The following PCCA variants were observed in gnomAD, a reference collection of about 807,000 sequenced individuals.
PCCA encodes propionyl-CoA carboxylase subunit alpha.
A neutral mutation model predicts 101.3 loss-of-function variants in PCCA; 74 were observed. The observed-to-expected ratio is 0.73, with a 90% CI of 0.61 to 0.89. The LOEUF (loss-of-function observed/expected upper bound fraction) is 0.89. Ranked by LOEUF, PCCA falls within the 40% of genes least tolerant of loss-of-function variation. The pLI is 0.00. For synonymous variants in PCCA, 294 were observed against 313.6 expected, an observed-to-expected ratio of 0.94 and a Z score of 0.66; for missense variants, 891 against 907.0, an observed-to-expected ratio of 0.98 and a Z score of 0.23.
intron 4 of PCCA, among the ~76,000 whole-genome samples, chr13:100,129,410 T>C (rs1328257670): frequency 6.6e-6 from 1 of 152,224 alleles, no homozygotes; most frequent in Non-Finnish European, 1.5e-5. Context: ...TAGGCTCTTT[T>C]TTCTGGTGAA....
chr13:100,269,713 C>T (rs1176706897), intron 11 of PCCA, among the ~76,000 whole-genome samples: 1 of 152,272 alleles, frequency 6.6e-6, no homozygotes, highest in South Asian at 2.1e-4. Context: ...ATCAGCAGAG[C>T]TAGCATATCT....
At chr13:100,309,630 G>T (rs1468232988) in intron 15 of PCCA, among the ~76,000 whole-genome samples, 3 of 152,012 alleles carry the variant, frequency 2.0e-5, no homozygotes, top group Non-Finnish European at 4.4e-5. Context: ...ATGAAATGTA[G>T]GAGAAGAGTC....
At chr13:100,262,150 T>C (rs1375077021) in intron 9 of PCCA, among the ~76,000 whole-genome samples, 1 of 152,150 alleles carries the variant, frequency 6.6e-6, no homozygotes, top group East Asian at 1.9e-4. Flanking sequence ...CCCAGCACTT[T>C]GGGAGGCTGA....
chr13:100,143,628 C>T (rs551944413), intron 4 of PCCA, among the ~76,000 whole-genome samples: 68 of 151,912 alleles, frequency 4.5e-4, no homozygotes, highest in Non-Finnish European at 9.0e-4. Flanking sequence ...TTCTTGAGCT[C>T]CTTCAAAGTA....
intron 21 of PCCA, among the ~76,000 whole-genome samples, chr13:100,476,408 A>G (rs906117366): frequency 2.0e-5 from 3 of 152,188 alleles, no homozygotes; most frequent in Admixed American, 6.5e-5. Context: ...GACCACCTAC[A>G]TGTGTTTGTA....
chr13:100,410,725 T>A (rs1268291703), intron 19 of PCCA, among the ~76,000 whole-genome samples: 1 of 152,174 alleles, frequency 6.6e-6, no homozygotes, highest in Non-Finnish European at 1.5e-5. Context: ...TATCCTAAAT[T>A]CCCAAACCCA....
intron 12 of PCCA, among the ~76,000 whole-genome samples, chr13:100,286,109 A>G (rs2064617972): frequency 6.6e-6 from 1 of 152,134 alleles, no homozygotes; most frequent in Non-Finnish European, 1.5e-5. Flanking sequence ...GCCATTAACT[A>G]CGCTGCCTCA....
chr13:100,330,746 C>T, intron 17 of PCCA, 75 bp downstream of exon 17: 1 of 899,208 alleles, frequency 1.1e-6, no homozygotes, highest in Non-Finnish European at 1.8e-6. Flanking sequence ...TAATTTCACT[C>T]TATTTTGAAA....
At chr13:100,329,808 T>G (rs116682875) in intron 16 of PCCA, among the ~76,000 whole-genome samples, 61 of 152,148 alleles carry the variant, frequency 4.0e-4, no homozygotes, top group Non-Finnish European at 7.8e-4. Flanking sequence ...GGTCACTGTT[T>G]AGTGGTCTGT....
chr13:100,481,657 C>T (rs73564393), intron 21 of PCCA, among the ~76,000 whole-genome samples: 3,111 of 152,188 alleles, frequency 0.02, 117 homozygotes, highest in African/African-American at 0.072. Flanking sequence ...GTGTCTACAG[C>T]GTGGAGATGC....
At chr13:100,196,331 A>G (rs2152456618) in intron 6 of PCCA, among the ~76,000 whole-genome samples, 1 of 152,342 alleles carries the variant, frequency 6.6e-6, no homozygotes, top group Non-Finnish European at 1.5e-5. Flanking sequence ...CCAGATATTA[A>G]AAACAGAAAG....
At chr13:100,524,975 T>C (rs888742899) in intron 22 of PCCA, among the ~76,000 whole-genome samples, 1 of 116,542 alleles carries the variant, frequency 8.6e-6, no homozygotes, top group Non-Finnish European at 1.8e-5. Flanking sequence ...AGATTCTGTC[T>C]CTAAGATGGA....
At chr13:100,377,510 T>A (rs2075989676) in intron 19 of PCCA, among the ~76,000 whole-genome samples, 2 of 152,076 alleles carry the variant, frequency 1.3e-5, no homozygotes, top group African/African-American at 4.8e-5. Context: ...ATTTTATTTT[T>A]TTGAGACAGA....
chr13:100,327,528 T>A (rs2068830382), intron 16 of PCCA, among the ~76,000 whole-genome samples: 1 of 152,256 alleles, frequency 6.6e-6, no homozygotes, highest in South Asian at 2.1e-4. Flanking sequence ...AAAGCTGCTA[T>A]TAACCTTTGT....
chr13:100,118,590 C>T (rs897582279), intron 4 of PCCA, among the ~76,000 whole-genome samples: 1 of 151,990 alleles, frequency 6.6e-6, no homozygotes, highest in African/African-American at 2.4e-5. Context: ...CTCTCAGTTG[C>T]CCGGGCTGGA....
At chr13:100,264,365 C>T (rs752856836) in intron 10 of PCCA, among the ~76,000 whole-genome samples, 2 of 152,006 alleles carry the variant, frequency 1.3e-5, no homozygotes, top group Non-Finnish European at 2.9e-5. Flanking sequence ...AACAACCATC[C>T]AGGTCTAGAT....
At chr13:100,179,629 G>A (rs1403309319) in intron 6 of PCCA, among the ~76,000 whole-genome samples, 1 of 152,128 alleles carries the variant, frequency 6.6e-6, no homozygotes, top group Non-Finnish European at 1.5e-5. Context: ...ATGTGATCCT[G>A]TCATCTATTG....
At chr13:100,139,528 GT>G (rs937169300) in intron 4 of PCCA, among the ~76,000 whole-genome samples, 80 of 150,538 alleles carry the variant, frequency 5.3e-4, no homozygotes, top group African/African-American at 1.7e-3. Context: ...CATCCAGTAT[GT>G]TTTTTTTAAT....
At chr13:100,435,099 C>A (rs1200441719) in intron 20 of PCCA, among the ~76,000 whole-genome samples, 5 of 152,158 alleles carry the variant, frequency 3.3e-5, no homozygotes, top group African/African-American at 1.2e-4. Flanking sequence ...TAAAGAAAAA[C>A]CTGAGACTGC....
Sources: allele counts gnomAD v4.1 joint callset (sites outside exome capture counted in the v4.1 genomes callset), GRCh38; gene constraint gnomAD v4.1.1; transcripts MANE v1.5; gene names NCBI Gene and HGNC (gene_info 2026-07-23, HGNC 2026-07-21).